The following SLC35E4 variants were observed in gnomAD, a reference collection of about 807,000 sequenced individuals.
SLC35E4 encodes the protein solute carrier family 35 member E4.
In SLC35E4, 15 loss-of-function variants were observed where a neutral mutation model predicts 19.3. The observed-to-expected ratio is 0.78, with a 90% CI of 0.52 to 1.20. SLC35E4 has a LOEUF of 1.20. Ranked by LOEUF, SLC35E4 falls within the 50% of genes most tolerant of loss-of-function variation. The pLI is 0.00. For synonymous variants in SLC35E4, 219 were observed against 219.9 expected, an observed-to-expected ratio of 1.00 and a Z score of 0.04; for missense variants, 406 against 472.3, an observed-to-expected ratio of 0.86 and a Z score of 1.30.
intron 2 of SLC35E4, among the ~76,000 whole-genome samples, chr22:30,658,970 G>C (rs892286441): frequency 3.3e-5 from 5 of 151,864 alleles, no homozygotes; most frequent in African/African-American, 1.2e-4. Flanking sequence ...TGGCGAAACC[G>C]CATCTCTACT....
downstream of SLC35E4, among the ~76,000 whole-genome samples, chr22:30,650,999 G>C (rs1047641003): frequency 1.5e-4 from 22 of 150,074 alleles, no homozygotes; most frequent in African/African-American, 4.7e-4. Context: ...GGGGGCCAGG[G>C]CAAACAAGGA....
chr22:30,654,510 G>C, intron 2 of SLC35E4: 1 of 427,846 alleles, frequency 2.3e-6, no homozygotes, highest in South Asian at 1.7e-5. Context: ...ACCTTGAGGC[G>C]GTCTTGGGCG....
At chr22:30,661,498 G>C (rs1167818975) in intron 2 of SLC35E4, 1 of 148,704 alleles carries the variant, frequency 6.7e-6, no homozygotes, top group African/African-American at 2.5e-5. Context: ...GCCCAGGCTG[G>C]AGTGCAATGG....
chr22:30,666,645 A>G (rs2088681448), downstream of SLC35E4, among the ~76,000 whole-genome samples: 1 of 142,974 alleles, frequency 7.0e-6, no homozygotes. Context: ...AAAAAAAAAA[A>G]AGCAATCTCT....
At chr22:30,650,675 G>T (rs1419501976), downstream of SLC35E4, among the ~76,000 whole-genome samples, 7 of 152,096 alleles carry the variant, frequency 4.6e-5, no homozygotes, top group Admixed American at 4.6e-4. Context: ...AGCTGTAATG[G>T]ACAAAGGCCT....
At chr22:30,657,458 CAA>C (rs35221023) in intron 2 of SLC35E4, among the ~76,000 whole-genome samples, 118 of 140,674 alleles carry the variant, frequency 8.4e-4, no homozygotes, top group Non-Finnish European at 9.1e-4. Flanking sequence ...GACTCTGTCT[CAA>C]AAAAAAAAAA....
At chr22:30,643,093 G>A (rs1348176663) in intron 1 of SLC35E4, among the ~76,000 whole-genome samples, 3 of 151,942 alleles carry the variant, frequency 2.0e-5, no homozygotes, top group East Asian at 1.9e-4. Context: ...CAGGGCCAGC[G>A]ACTTCCCTCC....
At chr22:30,646,063 C>T (rs149507705) in intron 1 of SLC35E4, among the ~76,000 whole-genome samples, 28 of 152,200 alleles carry the variant, frequency 1.8e-4, no homozygotes, top group African/African-American at 6.7e-4. Context: ...GCGATCCGCC[C>T]TCCCAAAGTG....
chr22:30,660,311 AT>A (rs35517267), intron 2 of SLC35E4, among the ~76,000 whole-genome samples: 1 of 151,010 alleles, frequency 6.6e-6, no homozygotes, highest in African/African-American at 2.4e-5. Flanking sequence ...AGAGAAAAAA[AT>A]TTTTTTTTTG....
intron 2 of SLC35E4, among the ~76,000 whole-genome samples, chr22:30,659,887 T>TAGAAGTATTTAAAGTGTGAGAA (rs1480224481): frequency 1.3e-5 from 2 of 152,190 alleles, no homozygotes; most frequent in African/African-American, 4.8e-5. Context: ...AAGGAAAAGT[T>TAGAAGTATTTAAAGTGTGAGAA]AGAAGTATTT....
At chr22:30,657,028 T>C (rs2088351084) in intron 2 of SLC35E4, among the ~76,000 whole-genome samples, 1 of 151,994 alleles carries the variant, frequency 6.6e-6, no homozygotes, top group South Asian at 2.1e-4. Context: ...ATGAAAAAAA[T>C]GCTCAGGAGG....
downstream of SLC35E4, chr22:30,667,074 T>C (rs2088700149): frequency 6.6e-6 from 1 of 152,198 alleles, no homozygotes; most frequent in Admixed American, 6.5e-5. Context: ...AGCAACTCGG[T>C]AGCAGTTCAG....
At chr22:30,642,822 G>A (rs1422319793) in intron 1 of SLC35E4, among the ~76,000 whole-genome samples, 1 of 151,424 alleles carries the variant, frequency 6.6e-6, no homozygotes, top group Non-Finnish European at 1.5e-5. Context: ...GAGGTCAGGA[G>A]ATTGAGACCA....
chr22:30,640,231 C>T (rs2088016230), intron 1 of SLC35E4, among the ~76,000 whole-genome samples: 1 of 151,838 alleles, frequency 6.6e-6, no homozygotes, highest in African/African-American at 2.4e-5. Context: ...ATTAGCTGGG[C>T]GTGGTGGCGC....
chr22:30,651,395 G>GTATATATATA (rs2088209814), downstream of SLC35E4, among the ~76,000 whole-genome samples: 2 of 54,074 alleles, frequency 3.7e-5, no homozygotes, highest in African/African-American at 2.4e-4. Flanking sequence ...GTGTGTGTGT[G>GTATATATATA]TGTGTATATA....
intron 2 of SLC35E4, among the ~76,000 whole-genome samples, chr22:30,659,560 C>T (rs566580750): frequency 8.5e-5 from 13 of 152,062 alleles, no homozygotes; most frequent in Admixed American, 2.0e-4. Context: ...TTTTTAGAGA[C>T]GGGGTTTCAA....
chr22:30,641,656 G>A (rs2088039471), intron 1 of SLC35E4, among the ~76,000 whole-genome samples: 1 of 149,002 alleles, frequency 6.7e-6, no homozygotes, highest in South Asian at 2.1e-4. Flanking sequence ...AGCAATTCTT[G>A]TGCCTCAGCC....
rs35362381 is a variant in SLC35E4 at position 30,647,403 on chromosome 22, T to TAAAA, written c.*383_*386dup. On this transcript the variant is annotated 3_prime_UTR_variant, in exon 2 of 2. Coordinates refer to ENST00000343605, the MANE Select transcript of SLC35E4 (RefSeq NM_001001479.4). ...AGACAGAGCGAGACGCTGTCTCAAT[T>TAAAA]AAAAAAAAAAAAAAGTGGAGAACTG... 7.3e-5 allele frequency: 11 copies of TAAAA among 151,166 alleles called. No homozygotes were observed. Among genetic ancestry groups the TAAAA allele is most frequent in the Non-Finnish European group, 8.6e-5 (6 of 69,768 alleles). 9.4% of individuals were successfully genotyped at this position (151,166 alleles called of 1,614,324 possible).
chr22:30,655,347 C>G (rs944212702), intron 2 of SLC35E4, among the ~76,000 whole-genome samples: 1 of 142,950 alleles, frequency 7.0e-6, no homozygotes, highest in African/African-American at 2.6e-5. Context: ...GTCCCAGCTA[C>G]TTGGGAGGCT....
Sources: allele counts gnomAD v4.1 joint callset (sites outside exome capture counted in the v4.1 genomes callset), GRCh38; gene constraint gnomAD v4.1.1; transcripts MANE v1.5; gene names NCBI Gene and HGNC (gene_info 2026-07-23, HGNC 2026-07-21).